Variants in KDM2B observed in about 807,000 individuals in gnomAD.
KDM2B encodes the protein lysine demethylase 2B, also known as lysine-specific demethylase 2B.
Under a neutral mutation model 150.0 loss-of-function variants are expected in KDM2B, and 26 were observed. The observed-to-expected ratio is 0.17, with a 90% CI of 0.13 to 0.24. KDM2B has a LOEUF of 0.24. Ranked by LOEUF, KDM2B falls within the 10% of genes least tolerant of loss-of-function variation. The pLI, the probability that KDM2B is intolerant of heterozygous loss-of-function variation, is 1.00. For synonymous variants in KDM2B, 734 were observed against 729.5 expected (o/e 1.01, Z -0.10); for missense variants, 1,265 against 1,816.9 (o/e 0.70, Z 5.52).
rs879959475 is a variant in KDM2B, at chr12:121,549,849, C to G, written c.398-211G>C. ...CTTCCCTGCACCACCATGGCCTCCA[C>G]GCCAGTCTGCGATGACCTCAAAAGC... On this transcript the variant is annotated intron_variant, in intron 4 of 22. Coordinates refer to ENST00000377071, the MANE Select transcript of KDM2B (RefSeq NM_032590.5). The surrounding 1 kb of genome is among the most constrained non-coding windows in gnomAD (Gnocchi z 4.4). Among the ~76,000 whole-genome samples, 7,362 of 152,244 alleles carry G rather than the reference C, an allele frequency of 0.048. 312 individuals carry two copies. Among genetic ancestry groups the G allele is most frequent in the South Asian group, 0.15 (700 of 4,826 alleles).
chr12:121,520,186 C>T lies in KDM2B; in HGVS notation c.1047+799G>A, dbSNP rs1332635536. On this transcript the variant is annotated intron_variant, in intron 9 of 22. Transcript: ENST00000377071. This position sits in a 1 kb window ranked among gnomAD's most constrained non-coding sequence, Gnocchi z 4.5. ...GATTACAGGCAAGAGCCACCGCGCCCGGCCCCAAGTCTTCAGTTTTGACCC... is the reference window on the plus strand; with the variant it reads ...GATTACAGGCAAGAGCCACCGCGCCTGGCCCCAAGTCTTCAGTTTTGACCC... 2.0e-5 allele frequency among the ~76,000 whole-genome samples: 3 copies of T among 152,248 alleles called. No homozygotes were observed. The highest frequency in any genetic ancestry group is 1.9e-4 in the East Asian group (1 of 5,178).
chr12:121,428,728 T>C (rs1417334831), downstream of KDM2B, among the ~76,000 whole-genome samples: 13 of 152,212 alleles, frequency 8.5e-5, no homozygotes, highest in African/African-American at 3.1e-4. Context: ...TTCTCACTGG[T>C]TTCTGCATCT....
At chr12:121,440,415 G>C (rs564916762) in intron 21 of KDM2B, 1 of 415,694 alleles carries the variant, frequency 2.4e-6, no homozygotes, top group South Asian at 2.6e-5. Flanking sequence ...CCAGTCCAGG[G>C]GGAGGTGCCA....
chr12:121,519,355 G>A (rs28487268), intron 9 of KDM2B, among the ~76,000 whole-genome samples: 2 of 152,208 alleles, frequency 1.3e-5, no homozygotes, highest in Non-Finnish European at 2.9e-5. Flanking sequence ...GATCTATGCA[G>A]AGCAACACCT....
chr12:121,574,387 C>T, intron 4 of KDM2B, 160 bp downstream of exon 4: 1 of 631,898 alleles, frequency 1.6e-6, no homozygotes, highest in South Asian at 2.0e-5. Context: ...CCTACCTGTT[C>T]TCCAGAATGA....
chr12:121,543,925 C>T (rs1225042388), intron 6 of KDM2B, among the ~76,000 whole-genome samples: 1 of 151,950 alleles, frequency 6.6e-6, no homozygotes, highest in Non-Finnish European at 1.5e-5. Flanking sequence ...AGGTCAAGAC[C>T]AGCCTGGGCC....
chr12:121,482,663 C>T (rs1415170639), intron 12 of KDM2B, among the ~76,000 whole-genome samples: 2 of 152,054 alleles, frequency 1.3e-5, no homozygotes, highest in African/African-American at 4.8e-5. Flanking sequence ...ACAGGAGTTA[C>T]ATAAAGAACA....
chr12:121,482,077 A>G (rs1342052660), intron 12 of KDM2B, among the ~76,000 whole-genome samples: 1 of 152,092 alleles, frequency 6.6e-6, no homozygotes, highest in Non-Finnish European at 1.5e-5. Flanking sequence ...CACCACACCC[A>G]GCCTATCTTA....
intron 4 of KDM2B, among the ~76,000 whole-genome samples, chr12:121,572,553 G>A (rs1220062793): frequency 1.3e-5 from 2 of 152,126 alleles, no homozygotes; most frequent in African/African-American, 2.4e-5. Flanking sequence ...CCCAGAGAGG[G>A]CCTCCCTGAC....
intron 12 of KDM2B, among the ~76,000 whole-genome samples, chr12:121,458,983 G>A (rs571311547): frequency 6.6e-6 from 1 of 151,754 alleles, no homozygotes; most frequent in Non-Finnish European, 1.5e-5. Context: ...CTACTCAGGA[G>A]GCTGAGGCAG....
rs566511640 is a variant in KDM2B, at chr12:121,575,900, G to A, written c.272-41C>T. 1.6e-5 allele frequency: 24 copies of A among 1,481,458 alleles called. No homozygotes were observed. The highest frequency in any genetic ancestry group is 5.0e-5 in the Admixed American group (3 of 59,810). The allele number at this position is 1,481,458 out of a possible 1,614,324, so 91.8% of individuals were successfully genotyped here. On this transcript the variant is annotated intron_variant, in intron 2 of 22. Transcript: ENST00000377071. This position sits in a 1 kb window ranked among gnomAD's most constrained non-coding sequence, Gnocchi z 4.4. ...AATTAAAACAAGTTGGTTAAGTCAC[G>A]AAGGAGCAAATGAACCGGGATCTGT...
chr12:121,529,576 T>C (rs533588241), intron 8 of KDM2B, among the ~76,000 whole-genome samples: 2 of 152,188 alleles, frequency 1.3e-5, no homozygotes, highest in East Asian at 3.9e-4. Flanking sequence ...TGTGTGTCTG[T>C]ACGTGGCTCA....
intron 6 of KDM2B, among the ~76,000 whole-genome samples, chr12:121,538,658 T>C (rs1566393121): frequency 6.6e-6 from 1 of 152,284 alleles, no homozygotes; most frequent in East Asian, 1.9e-4. Context: ...GATTACTTAA[T>C]CCAAACTTCA....
intron 4 of KDM2B, among the ~76,000 whole-genome samples, chr12:121,573,642 T>C (rs1891285296): frequency 6.6e-6 from 1 of 150,690 alleles, no homozygotes; most frequent in Admixed American, 6.7e-5. Context: ...TGGAGCGCAG[T>C]GGCGCCATCT....
chr12:121,493,142 A>C (rs78628688), intron 12 of KDM2B, among the ~76,000 whole-genome samples: 13,386 of 137,958 alleles, frequency 0.097, 683 homozygotes, highest in African/African-American at 0.15. Flanking sequence ...TCCTGGGCTC[A>C]GGTGATCCTC....
chr12:121,414,398 T>C, the KDM2B span, among the ~76,000 whole-genome samples: 1 of 151,054 alleles, frequency 6.6e-6, no homozygotes, highest in Non-Finnish European at 1.5e-5. Context: ...TTTATTCTTT[T>C]ATGTATACTT....
At chr12:121,504,002 T>C (rs951688072) in intron 11 of KDM2B, among the ~76,000 whole-genome samples, 2 of 152,216 alleles carry the variant, frequency 1.3e-5, no homozygotes, top group Non-Finnish European at 2.9e-5. Context: ...CTCCAGGGTC[T>C]CCTCTGTCCT....
chr12:121,517,850 G>T (rs1434924260), intron 9 of KDM2B, among the ~76,000 whole-genome samples: 2 of 152,024 alleles, frequency 1.3e-5, no homozygotes, highest in Non-Finnish European at 2.9e-5. Flanking sequence ...CCCACCTCCT[G>T]CATTTGGTTT....
At chr12:121,531,594 T>C (rs1175680867) in intron 8 of KDM2B, among the ~76,000 whole-genome samples, 3 of 152,182 alleles carry the variant, frequency 2.0e-5, no homozygotes, top group Non-Finnish European at 4.4e-5. Context: ...CAGAGCAAGT[T>C]ATTTCAACAC....
Sources: allele counts gnomAD v4.1 joint callset (sites outside exome capture counted in the v4.1 genomes callset), GRCh38; gene constraint gnomAD v4.1.1; non-coding constraint Gnocchi (gnomAD v3.1); transcripts MANE v1.5; gene names NCBI Gene and HGNC (gene_info 2026-07-23, HGNC 2026-07-21).